The following REDIC1 variants were observed in gnomAD, a reference collection of about 807,000 sequenced individuals.
REDIC1 encodes the protein HEI10 Interacting Protein 1.
chr12:39,776,043 A>C, the REDIC1 span, among the ~76,000 whole-genome samples: 2 of 152,224 alleles, frequency 1.3e-5, no homozygotes, highest in Non-Finnish European at 2.9e-5. Context: ...TAATTTGAGA[A>C]GATGGGAGAA....
chr12:39,851,706 T>G, the REDIC1 span, among the ~76,000 whole-genome samples: 3 of 152,194 alleles, frequency 2.0e-5, no homozygotes, highest in African/African-American at 7.2e-5. Flanking sequence ...GAATGAAGGA[T>G]GGATTTGTAT....
the REDIC1 span, among the ~76,000 whole-genome samples, chr12:39,749,926 T>C: frequency 6.6e-6 from 1 of 152,196 alleles, no homozygotes; most frequent in Non-Finnish European, 1.5e-5. Flanking sequence ...CTCAAAATCA[T>C]GAGAGCTATT....
the REDIC1 span, among the ~76,000 whole-genome samples, chr12:39,705,988 G>A: frequency 2.9e-4 from 44 of 152,064 alleles, no homozygotes; most frequent in East Asian, 5.6e-3. Flanking sequence ...ACAAGAGAAA[G>A]AAATAAAGGG....
the REDIC1 span, among the ~76,000 whole-genome samples, chr12:39,866,758 C>CT: frequency 6.6e-6 from 1 of 152,146 alleles, no homozygotes; most frequent in Non-Finnish European, 1.5e-5. Flanking sequence ...GGATTACAGG[C>CT]GTGAGCCACA....
the REDIC1 span, among the ~76,000 whole-genome samples, chr12:39,900,030 T>G: frequency 6.6e-6 from 1 of 152,058 alleles, no homozygotes; most frequent in Non-Finnish European, 1.5e-5. Context: ...GCAAGGCTGG[T>G]TCATTATATG....
chr12:39,871,498 A>T, the REDIC1 span, among the ~76,000 whole-genome samples: 7 of 148,828 alleles, frequency 4.7e-5, no homozygotes, highest in African/African-American at 7.3e-5. Flanking sequence ...AAAAAAAACA[A>T]TTATTTTTTT....
At chr12:39,896,027 CATGCAT>C in the REDIC1 span, among the ~76,000 whole-genome samples, 1 of 130,936 alleles carries the variant, frequency 7.6e-6, no homozygotes, top group African/African-American at 2.9e-5. Flanking sequence ...TGTATACATA[CATGCAT>C]ATGTTTATAT....
At chr12:39,685,028 T>G in the REDIC1 span, 1 of 754,728 alleles carries the variant, frequency 1.3e-6, no homozygotes, top group Non-Finnish European at 2.0e-6. Flanking sequence ...TTAACATTTA[T>G]TCATTAATTT....
chr12:39,783,034 C>T, the REDIC1 span, among the ~76,000 whole-genome samples: 23 of 152,238 alleles, frequency 1.5e-4, no homozygotes, highest in South Asian at 2.1e-3. Flanking sequence ...CCCCACCCCA[C>T]GACAGGCCCT....
the REDIC1 span, among the ~76,000 whole-genome samples, chr12:39,694,428 A>G: frequency 2.5e-5 from 2 of 80,586 alleles, no homozygotes; most frequent in Non-Finnish European, 6.9e-5. Flanking sequence ...GATTCTGTGT[A>G]CTGGGGAGAG....
the REDIC1 span, among the ~76,000 whole-genome samples, chr12:39,730,306 T>C: frequency 6.6e-6 from 1 of 152,230 alleles, no homozygotes; most frequent in Non-Finnish European, 1.5e-5. Context: ...GGTTTCTCCT[T>C]TCCATATTTA....
the REDIC1 span, among the ~76,000 whole-genome samples, chr12:39,896,121 C>A: frequency 1.4e-5 from 2 of 141,932 alleles, no homozygotes; most frequent in Non-Finnish European, 1.5e-5. Context: ...TGAATGCATA[C>A]ATATATGTAT....
the REDIC1 span, among the ~76,000 whole-genome samples, chr12:39,812,488 T>C: frequency 6.6e-6 from 1 of 151,812 alleles, no homozygotes; most frequent in Non-Finnish European, 1.5e-5. Flanking sequence ...TCTCTCTTTT[T>C]GTGAGATAGA....
the REDIC1 span, chr12:39,647,851 C>A: frequency 1.2e-6 from 2 of 1,607,392 alleles, no homozygotes; most frequent in Non-Finnish European, 1.7e-6. Context: ...TAGAGAACTG[C>A]AGTTTCACTC....
chr12:39,735,680 AG>A, the REDIC1 span, among the ~76,000 whole-genome samples: 1 of 152,378 alleles, frequency 6.6e-6, no homozygotes, highest in East Asian at 1.9e-4. Flanking sequence ...GATTATTTCA[AG>A]GGTGTTATTG....
the REDIC1 span, among the ~76,000 whole-genome samples, chr12:39,708,084 G>T: frequency 3.3e-5 from 5 of 151,894 alleles, no homozygotes; most frequent in African/African-American, 1.2e-4. Context: ...GAATGAATAA[G>T]ATCTAGTATT....
At chr12:39,828,982 T>G in the REDIC1 span, among the ~76,000 whole-genome samples, 1 of 152,180 alleles carries the variant, frequency 6.6e-6, no homozygotes, top group South Asian at 2.1e-4. Flanking sequence ...AGCAGTTCTC[T>G]AATGAAACAA....
At chr12:39,702,092 A>T in the REDIC1 span, among the ~76,000 whole-genome samples, 1 of 152,196 alleles carries the variant, frequency 6.6e-6, no homozygotes, top group East Asian at 1.9e-4. Flanking sequence ...CTAAAATCAG[A>T]GCAGAACTGA....
chr12:39,762,101 C>G, the REDIC1 span, among the ~76,000 whole-genome samples: 1 of 152,022 alleles, frequency 6.6e-6, no homozygotes, highest in Non-Finnish European at 1.5e-5. Flanking sequence ...GAATCCAAAG[C>G]ACGCAAATGC....
Sources: allele counts gnomAD v4.1 joint callset (sites outside exome capture counted in the v4.1 genomes callset), GRCh38; gene constraint gnomAD v4.1.1; transcripts MANE v1.5; gene names NCBI Gene and HGNC (gene_info 2026-07-23, HGNC 2026-07-21).